Variants in IL12RB2 observed in about 807,000 individuals in gnomAD.
IL12RB2 encodes interleukin-12 receptor subunit beta-2.
In IL12RB2, 82 loss-of-function variants were observed where a neutral mutation model predicts 89.4. The ratio of observed to expected loss-of-function variants is 0.92; its 90% confidence interval spans 0.77 to 1.10. IL12RB2 has a LOEUF of 1.10. Among genes scored for constraint, IL12RB2 ranks in the 50% least tolerant of loss-of-function variants. The pLI is 0.00. For missense variants in IL12RB2, 963 were observed against 1,031.9 expected (o/e 0.93, Z 0.92); for synonymous variants, 368 against 370.1 (o/e 0.99, Z 0.07).
At chr1:67,387,981 C>T (rs1665405817) in intron 15 of IL12RB2, among the ~76,000 whole-genome samples, 1 of 152,078 alleles carries the variant, frequency 6.6e-6, no homozygotes, top group Admixed American at 6.5e-5. Context: ...AGTTCAAGAC[C>T]AGCCTGGACA....
At chr1:67,365,370 A>G (rs1310654757) in intron 10 of IL12RB2, among the ~76,000 whole-genome samples, 2 of 152,206 alleles carry the variant, frequency 1.3e-5, no homozygotes, top group African/African-American at 4.8e-5. Flanking sequence ...AAAAAGATCA[A>G]TAAAATTTAT....
At chr1:67,366,254 C>T (rs560737742) in intron 10 of IL12RB2, among the ~76,000 whole-genome samples, 5 of 151,936 alleles carry the variant, frequency 3.3e-5, no homozygotes, top group African/African-American at 1.2e-4. Context: ...GAGTTCGAGA[C>T]CAGCCTGGCC....
intron 10 of IL12RB2, among the ~76,000 whole-genome samples, chr1:67,362,491 G>A (rs968717813): frequency 2.0e-5 from 3 of 148,810 alleles, no homozygotes; most frequent in Non-Finnish European, 3.0e-5. Context: ...GCGTGAACCC[G>A]GGAAGCGGAG....
At chr1:67,325,749 T>A (rs1374991798) in intron 4 of IL12RB2, among the ~76,000 whole-genome samples, 1 of 152,200 alleles carries the variant, frequency 6.6e-6, no homozygotes, top group African/African-American at 2.4e-5. Flanking sequence ...CAATAACAGA[T>A]TTTTTCAGTG....
At position 67,370,390 on chromosome 1, in the gene IL12RB2, C is replaced by G. The variant is rs147813079; in HGVS notation, c.1460-2046C>G. Among the ~76,000 whole-genome samples the G allele has an allele frequency of 3.3e-3, 499 of 152,282 alleles. 4 individuals carry two copies. The highest frequency in any genetic ancestry group is 0.012 in the African/African-American group (479 of 41,548). ...ATGCTTCTGACCGTATAGAGCCACTCCTTTTACAAATACATAACATCATGG... is the reference window on the plus strand; with the variant it reads ...ATGCTTCTGACCGTATAGAGCCACTGCTTTTACAAATACATAACATCATGG... On this transcript the variant is annotated intron_variant, in intron 11 of 16. Coordinates refer to ENST00000674203, the MANE Select transcript of IL12RB2 (RefSeq NM_001374259.2).
intron 13 of IL12RB2, among the ~76,000 whole-genome samples, chr1:67,377,912 G>A (rs1437483244): frequency 1.3e-5 from 2 of 152,004 alleles, no homozygotes; most frequent in African/African-American, 4.8e-5. Context: ...GATCACCTGA[G>A]GTCAGGAGTT....
chr1:67,358,880 G>A (rs1452809613), intron 10 of IL12RB2, among the ~76,000 whole-genome samples: 1 of 152,140 alleles, frequency 6.6e-6, no homozygotes, highest in Admixed American at 6.5e-5. Context: ...AGTGGCTCAT[G>A]CCTATAATCT....
rs1663494418 is a variant in IL12RB2, at chr1:67,372,631, T to G, written c.1565T>G (p.Leu522Arg). The G allele has an allele frequency of 6.2e-7, 1 of 1,613,748 alleles. No individual in the cohort carries two copies. The highest frequency in any genetic ancestry group is 1.7e-5 in the Admixed American group (1 of 60,026). ...CCTGTGCCCTACTTTACAGCACCACTGAGTGGCCCCCACATTAATGCCATC... is the reference window on the plus strand; with the variant it reads ...CCTGTGCCCTACTTTACAGCACCACGGAGTGGCCCCCACATTAATGCCATC... The part of the protein sequence containing the change: ...ILGNSKHKAP[L>R]SGPHINAITE... The change falls in exon 13 of 17, where the codon CTG becomes CGG. Residue 522 changes from leucine to arginine, a missense_variant. Transcript: ENST00000674203.
intron 16 of IL12RB2, among the ~76,000 whole-genome samples, chr1:67,394,227 A>G (rs1282754871): frequency 6.6e-6 from 1 of 152,202 alleles, no homozygotes; most frequent in Non-Finnish European, 1.5e-5. Context: ...TGCCAGGCCA[A>G]TGCTGGAATC....
At chr1:67,390,694 G>A (rs1665716885) in intron 16 of IL12RB2, among the ~76,000 whole-genome samples, 3 of 152,076 alleles carry the variant, frequency 2.0e-5, no homozygotes, top group Admixed American at 6.6e-5. Context: ...GGAAGTGAAG[G>A]GAACTGCTGC....
intron 10 of IL12RB2, among the ~76,000 whole-genome samples, chr1:67,356,283 A>C (rs919106799): frequency 6.6e-6 from 1 of 152,172 alleles, no homozygotes; most frequent in African/African-American, 2.4e-5. Flanking sequence ...GGGGAGGACC[A>C]AGGGAGCTTT....
rs902921539 is a variant in IL12RB2 at position 67,390,203 on chromosome 1, C to T, written c.2046+75C>T. 23 of 818,690 alleles carry T rather than the reference C, an allele frequency of 2.8e-5. No homozygotes were observed. The Admixed American group carries it at 3.6e-4, about 13-fold the overall frequency. The allele number at this position is 818,690 out of a possible 1,614,324, so 50.7% of individuals were successfully genotyped here. A position where few individuals can be genotyped will look rare whatever the true frequency, so the allele number is the denominator to read the frequency against. On this transcript the variant is annotated intron_variant, in intron 16 of 16. Transcript: ENST00000674203. ...ACATCTAAGTTTTCCATTGTAGTTA[C>T]GAGGAAGCCTGGGTGCTGAGATCCT...
chr1:67,365,739 A>T (rs570425950), intron 10 of IL12RB2, among the ~76,000 whole-genome samples: 2 of 152,346 alleles, frequency 1.3e-5, no homozygotes, highest in African/African-American at 4.8e-5. Flanking sequence ...CCCTGAAAAA[A>T]AAACCTTTTG....
chr1:67,373,722 T>C (rs1258417833), intron 13 of IL12RB2, among the ~76,000 whole-genome samples: 1 of 152,198 alleles, frequency 6.6e-6, no homozygotes, highest in Non-Finnish European at 1.5e-5. Flanking sequence ...GACTTGACCT[T>C]CTCTTTATTT....
At chr1:67,351,721 T>A (rs1347947356) in intron 10 of IL12RB2, among the ~76,000 whole-genome samples, 1 of 152,218 alleles carries the variant, frequency 6.6e-6, no homozygotes, top group Non-Finnish European at 1.5e-5. Flanking sequence ...CATAGCCCTT[T>A]ATTGCACAAG....
intron 9 of IL12RB2, among the ~76,000 whole-genome samples, chr1:67,349,325 G>A (rs1569964692): frequency 6.6e-6 from 1 of 152,296 alleles, no homozygotes; most frequent in East Asian, 1.9e-4. Flanking sequence ...TGGGGTGTGA[G>A]TGGAGGTAAC....
chr1:67,330,886 G>A (rs1362281474), intron 8 of IL12RB2, 76 bp downstream of exon 8: 2 of 849,226 alleles, frequency 2.4e-6, no homozygotes, highest in Non-Finnish European at 4.1e-6. Context: ...TGATTTCCTT[G>A]GAATAGAATC....
At chr1:67,309,693 G>GA (rs1166944360) in intron 1 of IL12RB2, among the ~76,000 whole-genome samples, 2 of 151,918 alleles carry the variant, frequency 1.3e-5, no homozygotes, top group African/African-American at 4.8e-5. Context: ...GTTTTAGTGT[G>GA]AAAAAAAATT....
rs141167354 is a variant in IL12RB2, at chr1:67,329,713, G to A, written c.791G>A (p.Ser264Asn). 1.9e-5 allele frequency: 30 copies of A among 1,607,336 alleles called. No individual in the cohort carries two copies. In the African/African-American group the frequency reaches 3.7e-4, roughly 20 times the overall value. Residue 264 changes from serine (S) to asparagine (N), a missense_variant, in exon 7 of 17, where the codon AGC becomes AAC. Transcript: ENST00000674203. Reference protein sequence around the residue: ...LNRLRYRPSNSRLWNMVNVTK... With the variant: ...LNRLRYRPSNNRLWNMVNVTK... ...CGACTCAGATATCGGCCCAGTAACA[G>A]CAGGCTCTGGAATATGGTAATTATC...
Sources: allele counts gnomAD v4.1 joint callset (sites outside exome capture counted in the v4.1 genomes callset), GRCh38; gene constraint gnomAD v4.1.1; transcripts MANE v1.5; gene names NCBI Gene and HGNC (gene_info 2026-07-23, HGNC 2026-07-21).